Variants in USP11 observed in about 807,000 individuals in gnomAD.
The protein encoded by USP11 is ubiquitin specific peptidase 11, also known as ubiquitin carboxyl-terminal hydrolase 11.
USP11 carries 5 observed loss-of-function variants against 72.8 expected under a neutral mutation model. That is an observed-to-expected ratio of 0.07 (90% CI 0.04 to 0.14). The LOEUF (loss-of-function observed/expected upper bound fraction) is 0.14, where lower values mean the gene tolerates loss of function less well. USP11 is among the 10% of genes least tolerant of loss of function. The probability of loss-of-function intolerance (pLI) is 1.00; values close to 1 mark genes in which losing one functional copy is unlikely to be tolerated. For synonymous variants in USP11, 368 were observed against 326.5 expected (o/e 1.13, Z -1.37); for missense variants, 480 against 794.7 (o/e 0.60, Z 4.76).
chrX:47,239,618 G>A, intron 3 of USP11, 137 bp downstream of exon 3: 1 of 1,030,046 alleles, frequency 9.7e-7, no homozygotes, highest in Admixed American at 2.6e-5. Context: ...TCATCATACA[G>A]GTATCTTTGT....
chrX:47,240,497 C>T (rs1240020408), intron 5 of USP11, 47 bp downstream of exon 5: 1 of 1,209,663 alleles, frequency 8.3e-7, no homozygotes, highest in South Asian at 1.8e-5. Context: ...GGCAGATAGA[C>T]TCACCTGGCA....
Position 47,241,304 on chromosome X carries a change from G to A in USP11, c.874G>A (p.Glu292Lys), listed in dbSNP as rs2055401757. The A allele has an allele frequency of 2.5e-6, 3 of 1,210,140 alleles. No homozygotes were observed. The highest frequency in any genetic ancestry group is 2.2e-6 in the Non-Finnish European group (2 of 894,766). The change falls in exon 8 of 21, where the codon GAG (glutamate) becomes AAG (lysine). Residue 292 changes from glutamate (E) to lysine (K), a missense_variant. Glu to Lys is a moderately conservative substitution (Grantham distance 56). Around this residue, in one of 5 missense-constraint regions of USP11, gnomAD observed 314 missense variants for 556.0 expected, o/e 0.56. Transcript: ENST00000377107. ...CCTCAGCAATGTGCCACAGCTCACCGAGTACTTCCTCAACAACTGCTACCT... is the reference window on the plus strand; with the variant it reads ...CCTCAGCAATGTGCCACAGCTCACCAAGTACTTCCTCAACAACTGCTACCT... Reference protein sequence around the residue: ...QCLSNVPQLTEYFLNNCYLEE... With the variant: ...QCLSNVPQLTKYFLNNCYLEE...
intron 1 of USP11, among the ~76,000 whole-genome samples, chrX:47,237,148 C>T (rs757117335): frequency 2.2e-4 from 25 of 111,896 alleles, no homozygotes; most frequent in African/African-American, 7.8e-4. Flanking sequence ...TTGAGCAGTG[C>T]CTACCTTTGC....
intron 3 of USP11, 77 bp downstream of exon 3, chrX:47,239,558 C>T: frequency 2.6e-6 from 3 of 1,168,424 alleles, no homozygotes; most frequent in Non-Finnish European, 3.5e-6. Context: ...GGTACAGATC[C>T]ATGTATGCTG....
intron 17 of USP11, among the ~76,000 whole-genome samples, 169 bp downstream of exon 17, chrX:47,245,651 TCTC>T (rs1477189276): frequency 9.2e-6 from 1 of 108,829 alleles, no homozygotes; most frequent in Non-Finnish European, 1.9e-5. Flanking sequence ...ATCAAGCTGT[TCTC>T]CTGCCTAAGT....
intron 17 of USP11, among the ~76,000 whole-genome samples, chrX:47,245,746 G>A (rs1402419445): frequency 1.8e-5 from 2 of 110,680 alleles, no homozygotes; most frequent in Non-Finnish European, 3.8e-5. Context: ...GTTTTGCCAC[G>A]TTGGCCAGGC....
chrX:47,247,854 C>A lies in USP11; in HGVS notation c.2687C>A (p.Pro896Gln), dbSNP rs1322333856. Residue 896 changes from proline (P) to glutamine (Q), a missense_variant, in exon 21 of 21, where the codon CCG (proline) becomes CAG (glutamine). By Grantham distance (76) the Pro-to-Gln change is moderately conservative. Around this residue, in one of 5 missense-constraint regions of USP11, gnomAD observed 314 missense variants for 556.0 expected, o/e 0.56. Coordinates refer to ENST00000377107, the MANE Select transcript of USP11 (RefSeq NM_001371072.1). ...GACGTGGCGCGACGCCTGCTGTCCC[C>A]GGCCGGCTCATCTGGCGCCCCAGCC... is the stretch of plus-strand genomic sequence containing the variant. ...RQDVARRLLS[P>Q]AGSSGAPASP... 8.3e-7 allele frequency: 1 copy of A among 1,208,418 alleles called. No homozygotes were observed. Among genetic ancestry groups the A allele is most frequent in the African/African-American group, 1.8e-5 (1 of 57,106 alleles).
Position 47,241,375 on chromosome X carries a change from C to G in USP11, c.945C>G (p.Ile315Met), listed in dbSNP as rs764305951. ...ACCCACTGGGCATGAAGGGTGAGAT[C>G]GCAGAGGCCTATGCAGACCTGGTGA... The part of the protein sequence containing the change: ...FRNPLGMKGE[I>M]AEAYADLVKQ... The change falls in exon 8 of 21, where the codon ATC becomes ATG. Residue 315 changes from isoleucine to methionine, a missense_variant. Physicochemically the swap from Ile to Met is conservative, Grantham distance 10. This residue lies in a region of USP11 where 314 missense variants were observed against 556.0 expected (regional missense o/e 0.56). Transcript: ENST00000377107. The G allele has an allele frequency of 8.3e-7, 1 of 1,211,515 alleles. No individual in the cohort carries two copies. The highest frequency in any genetic ancestry group is 1.8e-5 in the South Asian group (1 of 56,975).
At chrX:47,247,575 G>A in intron 19 of USP11, 36 bp from the exon 20 acceptor site, 1 of 1,199,577 alleles carries the variant, frequency 8.3e-7, no homozygotes, top group Non-Finnish European at 1.1e-6. Context: ...TGAGAGGCAG[G>A]AAGGGTAGGC....
chrX:47,239,925 G>A lies in USP11; in HGVS notation c.535+18G>A, dbSNP rs977199655. Reference sequence around the variant, plus strand: ...TTCTATTGGTGAGTCTAAGGGTCACGCAATGGGTTGGTGTTCCTAGCTACT... The same window carrying A: ...TTCTATTGGTGAGTCTAAGGGTCACACAATGGGTTGGTGTTCCTAGCTACT... On this transcript the variant is annotated intron_variant, in intron 4 of 20. Coordinates refer to ENST00000377107, the MANE Select transcript of USP11 (RefSeq NM_001371072.1). 20 of 1,188,866 alleles carry A rather than the reference G, an allele frequency of 1.7e-5. No homozygotes were observed. The highest frequency in any genetic ancestry group is 3.5e-5 in the African/African-American group (2 of 56,766).
intron 17 of USP11, 62 bp downstream of exon 17, chrX:47,245,544 CTTT>C (rs749492953): frequency 4.3e-3 from 2,298 of 529,394 alleles, no homozygotes; most frequent in Middle Eastern, 4.8e-3. Flanking sequence ...CTATATTTAG[CTTT>C]TTTTTTTTTT....
At chrX:47,237,775 GGTGTGTGTGTAT>G (rs1207850043) in intron 1 of USP11, among the ~76,000 whole-genome samples, 1,452 of 99,124 alleles carry the variant, frequency 0.015, 19 homozygotes, top group East Asian at 0.049. Context: ...CAGCAGAACA[GGTGTGTGTGTAT>G]GTGTGTGTGT....
chrX:47,237,167 G>A, intron 1 of USP11, among the ~76,000 whole-genome samples: 1 of 111,703 alleles, frequency 9.0e-6, no homozygotes, highest in East Asian at 2.8e-4. Context: ...GCATTGGAAG[G>A]TACTGTTAAC....
At chrX:47,240,154 C>A in intron 4 of USP11, 151 bp from the exon 5 acceptor site, 1 of 830,297 alleles carries the variant, frequency 1.2e-6, no homozygotes, top group East Asian at 3.4e-5. Context: ...GATCTCCAGT[C>A]TGGAGTGTGG....
At position 47,239,879 on chromosome X, in the gene USP11, T is replaced by C. The variant is rs2055393403; in HGVS notation, c.507T>C (p.Thr169=). The part of the protein sequence containing the change: ...VRHNDLGKSH[T]VQFSHTDSIG... ...ACAATGATTTGGGCAAATCTCACAC[T>C]GTTCAGTTCAGCCATACCGATTCTA... The change falls in exon 4 of 21, where the codon ACT becomes ACC. Residue 169 remains threonine (T), a synonymous_variant. Transcript: ENST00000377107. 9.1e-6 allele frequency: 11 copies of C among 1,210,061 alleles called. No individual in the cohort carries two copies. The highest frequency in any genetic ancestry group is 1.1e-5 in the Non-Finnish European group (10 of 895,208).
chrX:47,238,541 T>C (rs2055386641), intron 1 of USP11, among the ~76,000 whole-genome samples: 1 of 104,725 alleles, frequency 9.5e-6, no homozygotes, highest in Non-Finnish European at 1.9e-5. Context: ...GAAAACCTTA[T>C]GATTCTTTTT....
In USP11 at chrX:47,247,866, C is replaced by G. The variant is rs754673785; in HGVS notation, c.2699C>G (p.Ser900Cys). The G allele has an allele frequency of 6.6e-6, 8 of 1,203,673 alleles. No individual in the cohort carries two copies. In the African/African-American group the frequency reaches 1.4e-4, roughly 22 times the overall value. Residue 900 changes from serine (S) to cysteine (C), a missense_variant, in exon 21 of 21, where the codon TCT (serine) becomes TGT (cysteine). This residue lies in a region of USP11 where 314 missense variants were observed against 556.0 expected (regional missense o/e 0.56). Coordinates refer to ENST00000377107, the MANE Select transcript of USP11 (RefSeq NM_001371072.1). The part of the protein sequence containing the change: ...ARRLLSPAGS[S>C]GAPASPACSS... The stretch of plus-strand genomic sequence containing the variant: ...CGCCTGCTGTCCCCGGCCGGCTCAT[C>G]TGGCGCCCCAGCCTCCCCTGCCTGC...
In USP11 at chrX:47,233,317, C is replaced by T. The variant is rs1449391499; in HGVS notation, c.176+98C>T. ...GCCGAGGGCCGCGGGAAAGCTGCTGCGGGGTGCGGGGGCGGGGGAGTGGCC... is the reference window on the plus strand; with the variant it reads ...GCCGAGGGCCGCGGGAAAGCTGCTGTGGGGTGCGGGGGCGGGGGAGTGGCC... On this transcript the variant is annotated intron_variant, in intron 1 of 20. Transcript: ENST00000377107. 7.1e-5 allele frequency: 12 copies of T among 169,308 alleles called. No individual in the cohort carries two copies. The South Asian group carries it at 7.5e-4, about 11-fold the overall frequency. The allele number at this position is 169,308 out of a possible 1,213,427, so 14.0% of individuals were successfully genotyped here.
chrX:47,243,459 C>G lies in USP11; in HGVS notation c.1647C>G (p.Val549=), dbSNP rs1017110414. Residue 549 remains valine, a synonymous_variant, in exon 13 of 21, where the codon GTC becomes GTG. Coordinates refer to ENST00000377107, the MANE Select transcript of USP11 (RefSeq NM_001371072.1). ...CAAGAGAGGACATCGTGGTTCCTGTCTACCTGCGGGAGCGCACCCCTGCCC... is the reference window on the plus strand; with the variant it reads ...CAAGAGAGGACATCGTGGTTCCTGTGTACCTGCGGGAGCGCACCCCTGCCC... ...EGSREDIVVP[V]YLRERTPARD... is the part of the protein sequence containing the mutation. 2 of 1,211,413 alleles carry G rather than the reference C, an allele frequency of 1.7e-6. No individual in the cohort carries two copies. Among genetic ancestry groups the G allele is most frequent in the Non-Finnish European group, 2.2e-6 (2 of 895,479 alleles).
Sources: allele counts gnomAD v4.1 joint callset (sites outside exome capture counted in the v4.1 genomes callset), GRCh38; gene constraint gnomAD v4.1.1; regional missense constraint gnomAD v4.1.1; transcripts MANE v1.5; gene names NCBI Gene and HGNC (gene_info 2026-07-23, HGNC 2026-07-21).